HS3ST4: variants seen among roughly 807,000 people sequenced by gnomAD.
HS3ST4 encodes the protein heparan sulfate-glucosamine 3-sulfotransferase 4.
HS3ST4 carries 17 observed loss-of-function variants against 29.2 expected under a neutral mutation model. The ratio of observed to expected loss-of-function variants is 0.58; its 90% CI spans 0.40 to 0.87. The LOEUF (loss-of-function observed/expected upper bound fraction) is 0.87. Among genes scored for constraint, HS3ST4 ranks in the 40% least tolerant of loss-of-function variants. The probability of loss-of-function intolerance (pLI) is 0.00; values close to 1 mark genes in which losing one functional copy is unlikely to be tolerated. For missense variants in HS3ST4, 627 were observed against 634.5 expected, an observed-to-expected ratio of 0.99 and a Z score of 0.13; for synonymous variants, 314 against 285.7, an observed-to-expected ratio of 1.10 and a Z score of -1.00.
chr16:25,767,353 A>G (rs2141609276), intron 1 of HS3ST4, among the ~76,000 whole-genome samples: 1 of 152,166 alleles, frequency 6.6e-6, no homozygotes, highest in Middle Eastern at 3.4e-3. Flanking sequence ...ACCCAGTGCA[A>G]ACAGATGTGT....
At chr16:26,119,804 G>A (rs192356291) in intron 1 of HS3ST4, among the ~76,000 whole-genome samples, 1 of 152,294 alleles carries the variant, frequency 6.6e-6, no homozygotes, top group Admixed American at 6.5e-5. Flanking sequence ...ATAGAAAAGT[G>A]CAAAATCATC....
intron 1 of HS3ST4, among the ~76,000 whole-genome samples, chr16:26,135,241 C>G (rs1014430406): frequency 6.6e-6 from 1 of 152,166 alleles, no homozygotes; most frequent in Admixed American, 6.5e-5. Flanking sequence ...TGAGCATTAT[C>G]TCCCTTAATC....
At chr16:25,769,256 G>A (rs1966839069) in intron 1 of HS3ST4, among the ~76,000 whole-genome samples, 1 of 152,136 alleles carries the variant, frequency 6.6e-6, no homozygotes, top group Non-Finnish European at 1.5e-5. Context: ...GGGAGGGTGT[G>A]TGGGTGGCTC....
intron 1 of HS3ST4, among the ~76,000 whole-genome samples, chr16:26,105,963 A>G (rs1399883212): frequency 6.6e-6 from 1 of 152,236 alleles, no homozygotes; most frequent in African/African-American, 2.4e-5. Flanking sequence ...GGTGGTATAG[A>G]AAGAGAAGAT....
intron 1 of HS3ST4, among the ~76,000 whole-genome samples, chr16:25,894,892 G>A (rs1029590123): frequency 9.2e-5 from 14 of 152,154 alleles, no homozygotes; most frequent in Non-Finnish European, 1.6e-4. Flanking sequence ...AATGCGTTAT[G>A]TTTAGCAATT....
At chr16:26,110,125 A>G (rs1899109598) in intron 1 of HS3ST4, among the ~76,000 whole-genome samples, 1 of 152,128 alleles carries the variant, frequency 6.6e-6, no homozygotes, top group Non-Finnish European at 1.5e-5. Flanking sequence ...TAGATTCTAC[A>G]TATAAGTAAG....
At chr16:25,933,849 G>A (rs1444393791) in intron 1 of HS3ST4, among the ~76,000 whole-genome samples, 1 of 152,066 alleles carries the variant, frequency 6.6e-6, no homozygotes, top group Non-Finnish European at 1.5e-5. Flanking sequence ...AACTCATAGA[G>A]CGAGAACCCA....
At chr16:25,799,692 T>A (rs1356629642) in intron 1 of HS3ST4, among the ~76,000 whole-genome samples, 1 of 152,220 alleles carries the variant, frequency 6.6e-6, no homozygotes, top group Non-Finnish European at 1.5e-5. Flanking sequence ...TTTCCTCATC[T>A]GTAAAATGGT....
At chr16:25,893,885 T>A (rs1406559751) in intron 1 of HS3ST4, among the ~76,000 whole-genome samples, 1 of 152,230 alleles carries the variant, frequency 6.6e-6, no homozygotes, top group East Asian at 1.9e-4. Flanking sequence ...CCCCGGGATG[T>A]CCAGGGAAGT....
intron 1 of HS3ST4, among the ~76,000 whole-genome samples, chr16:26,110,109 T>G (rs981233951): frequency 6.6e-6 from 1 of 152,178 alleles, no homozygotes; most frequent in Non-Finnish European, 1.5e-5. Context: ...GGAATTCAGT[T>G]TTTTTTAGAT....
chr16:25,972,165 C>G (rs901068228), intron 1 of HS3ST4, among the ~76,000 whole-genome samples: 6 of 152,120 alleles, frequency 3.9e-5, no homozygotes, highest in African/African-American at 1.2e-4. Context: ...GTTGTAGTAG[C>G]TATTATTGCT....
chr16:25,722,184 C>T (rs1966501855), intron 1 of HS3ST4, among the ~76,000 whole-genome samples: 1 of 152,284 alleles, frequency 6.6e-6, no homozygotes, highest in African/African-American at 2.4e-5. Flanking sequence ...TCAATTAATT[C>T]TGTCCTAAAA....
chr16:26,009,677 C>G (rs1481340075), intron 1 of HS3ST4, among the ~76,000 whole-genome samples: 1 of 152,214 alleles, frequency 6.6e-6, no homozygotes, highest in African/African-American at 2.4e-5. Context: ...GCCAGTTGTA[C>G]ACAAGCTCTT....
At chr16:25,938,593 T>TA (rs929441358) in intron 1 of HS3ST4, among the ~76,000 whole-genome samples, 193 of 144,262 alleles carry the variant, frequency 1.3e-3, no homozygotes, top group Middle Eastern at 7.2e-3. Flanking sequence ...TCTATGGTAT[T>TA]AAAAAAAAAA....
chr16:25,808,112 A>C (rs1472885948), intron 1 of HS3ST4, among the ~76,000 whole-genome samples: 1 of 152,300 alleles, frequency 6.6e-6, no homozygotes. Flanking sequence ...TCTCTCACAC[A>C]GCAAAAGTTT....
intron 1 of HS3ST4, among the ~76,000 whole-genome samples, chr16:25,939,962 C>G (rs1968556997): frequency 6.6e-6 from 1 of 152,258 alleles, no homozygotes; most frequent in South Asian, 2.1e-4. Context: ...CCGGGAGTTA[C>G]AACCATAAAT....
chr16:25,795,192 TGAA>T (rs1449471614), intron 1 of HS3ST4, among the ~76,000 whole-genome samples: 1 of 152,038 alleles, frequency 6.6e-6, no homozygotes, highest in Non-Finnish European at 1.5e-5. Context: ...AGGTTGGTCT[TGAA>T]TTCCTGACCT....
intron 1 of HS3ST4, among the ~76,000 whole-genome samples, chr16:25,761,180 A>G (rs1350863761): frequency 1.3e-5 from 2 of 152,172 alleles, no homozygotes; most frequent in African/African-American, 2.4e-5. Context: ...GATCTGCTTC[A>G]GTCGTATCTT....
At chr16:26,069,797 A>T (rs543456387) in intron 1 of HS3ST4, among the ~76,000 whole-genome samples, 3 of 146,830 alleles carry the variant, frequency 2.0e-5, no homozygotes, top group African/African-American at 5.1e-5. Flanking sequence ...ATGAGTGAGA[A>T]CATGCAGTGT....
Sources: gnomAD v4.1 joint callset for allele counts (sites outside exome capture counted in the v4.1 genomes callset) on GRCh38, gnomAD v4.1.1 for gene constraint, MANE v1.5 for transcripts, NCBI Gene and HGNC (gene_info 2026-07-23, HGNC 2026-07-21) for gene names.